The following NLGN4X variants were observed in gnomAD, a reference collection of about 807,000 sequenced individuals.
The protein encoded by NLGN4X is neuroligin-4, X-linked.
In NLGN4X, 3 loss-of-function variants were observed where a neutral mutation model predicts 40.3. The observed-to-expected ratio is 0.07, with a 90% confidence interval of 0.03 to 0.19. The LOEUF is 0.19. Ranked by LOEUF, NLGN4X falls within the 10% of genes least tolerant of loss-of-function variation. The pLI, the probability that NLGN4X is intolerant of heterozygous loss-of-function variation, is 1.00. For missense variants in NLGN4X, 382 were observed against 708.3 expected, an observed-to-expected ratio of 0.54 and a Z score of 5.23; for synonymous variants, 270 against 306.8, an observed-to-expected ratio of 0.88 and a Z score of 1.25.
chrX:5,953,030 G>A (rs1343365401), intron 3 of NLGN4X, among the ~76,000 whole-genome samples: 3 of 110,463 alleles, frequency 2.7e-5, no homozygotes, highest in African/African-American at 9.9e-5. Context: ...GCAGTATCTC[G>A]TTCACTATCC....
chrX:6,042,789 A>C (rs1336293889), intron 2 of NLGN4X, among the ~76,000 whole-genome samples: 2 of 94,387 alleles, frequency 2.1e-5, no homozygotes, highest in African/African-American at 7.7e-5. Context: ...CTAGAAACCT[A>C]ATAATGCCTG....
At chrX:6,077,290 G>GTC (rs1555967222) in intron 2 of NLGN4X, among the ~76,000 whole-genome samples, 23 of 104,551 alleles carry the variant, frequency 2.2e-4, no homozygotes, top group Admixed American at 4.2e-4. Context: ...GTGTGTGTGT[G>GTC]TGTGTCTGTG....
intron 2 of NLGN4X, among the ~76,000 whole-genome samples, chrX:6,099,535 G>T (rs1249812388): frequency 8.9e-6 from 1 of 111,956 alleles, no homozygotes; most frequent in Non-Finnish European, 1.9e-5. Flanking sequence ...TCTATGACTA[G>T]GCATCAACCT....
intron 2 of NLGN4X, among the ~76,000 whole-genome samples, chrX:6,124,105 C>G (rs1023636038): frequency 9.1e-6 from 1 of 109,616 alleles, no homozygotes; most frequent in Non-Finnish European, 1.9e-5. Context: ...AATTTAGTAT[C>G]AAACAAAAAT....
intron 3 of NLGN4X, among the ~76,000 whole-genome samples, chrX:5,998,680 G>A (rs1257074130): frequency 8.9e-6 from 1 of 111,989 alleles, no homozygotes; most frequent in East Asian, 2.8e-4. Flanking sequence ...CAGCTAAAAT[G>A]GCACAGCCCC....
At chrX:6,055,507 G>T (rs1009959502) in intron 2 of NLGN4X, among the ~76,000 whole-genome samples, 1 of 110,767 alleles carries the variant, frequency 9.0e-6, no homozygotes, top group African/African-American at 3.3e-5. Context: ...GTTGTGGGGG[G>T]GCTTACAAAA....
chrX:6,201,885 C>T (rs1052857816), intron 1 of NLGN4X, among the ~76,000 whole-genome samples: 1 of 110,713 alleles, frequency 9.0e-6, no homozygotes, highest in Non-Finnish European at 1.9e-5. Context: ...GTGGTCTCTC[C>T]GATGGAAATA....
At chrX:6,093,941 T>C (rs144004102) in intron 2 of NLGN4X, among the ~76,000 whole-genome samples, 2 of 111,948 alleles carry the variant, frequency 1.8e-5, no homozygotes, top group East Asian at 5.6e-4. Flanking sequence ...CATTCATTAA[T>C]GGAAGATACA....
chrX:5,952,546 C>T (rs1026272745), intron 3 of NLGN4X, among the ~76,000 whole-genome samples: 2 of 109,716 alleles, frequency 1.8e-5, no homozygotes, highest in African/African-American at 6.6e-5. Flanking sequence ...CACCAGATGA[C>T]GAATTAGACT....
intron 1 of NLGN4X, among the ~76,000 whole-genome samples, chrX:6,222,277 T>C (rs1439035485): frequency 9.0e-6 from 1 of 111,078 alleles, no homozygotes; most frequent in Non-Finnish European, 1.9e-5. Context: ...AAATCACATG[T>C]CTGGGGTGAT....
intron 3 of NLGN4X, among the ~76,000 whole-genome samples, chrX:5,937,084 A>AT (rs1312140998): frequency 8.4e-5 from 9 of 107,702 alleles, no homozygotes; most frequent in Admixed American, 2.0e-4. Flanking sequence ...AGTTGAATGA[A>AT]TTTTTTTTTT....
chrX:6,133,684 C>A (rs1349233259), intron 2 of NLGN4X, among the ~76,000 whole-genome samples: 1 of 111,510 alleles, frequency 9.0e-6, no homozygotes, highest in Non-Finnish European at 1.9e-5. Context: ...TCACTGGAAG[C>A]CTGGATGGAG....
chrX:5,891,515 C>G lies in NLGN4X; in HGVS notation c.*1302G>C. 1.0e-5 allele frequency: 3 copies of G among 292,055 alleles called. No individual in the cohort carries two copies. Among genetic ancestry groups the G allele is most frequent in the Non-Finnish European group, 1.9e-5 (3 of 154,696 alleles). The allele number at this position is 292,055 out of a possible 1,213,427, so 24.1% of individuals were successfully genotyped here. A position where few individuals can be genotyped will look rare whatever the true frequency, so the allele number is the denominator to read the frequency against. ...TCTGATTAGCTAAGCTGAGCAGGTA[C>G]TTCATCGGCCAAACCCTCCCGCAGC... On this transcript the variant is annotated 3_prime_UTR_variant, in exon 6 of 6. Coordinates refer to ENST00000381095, the MANE Select transcript of NLGN4X (RefSeq NM_181332.3).
intron 3 of NLGN4X, among the ~76,000 whole-genome samples, chrX:6,018,744 A>G (rs867723865): frequency 2.7e-5 from 3 of 111,912 alleles, no homozygotes; most frequent in Non-Finnish European, 5.6e-5. Flanking sequence ...CCTTCTCTCT[A>G]TAACATCTGA....
intron 3 of NLGN4X, among the ~76,000 whole-genome samples, chrX:5,980,531 T>C (rs778660362): frequency 2.8e-4 from 31 of 109,567 alleles, no homozygotes; most frequent in African/African-American, 7.9e-4. Flanking sequence ...ATCTAGGTAT[T>C]TGACTCACTT....
chrX:5,998,552 A>G (rs149490122), intron 3 of NLGN4X, among the ~76,000 whole-genome samples: 13 of 112,263 alleles, frequency 1.2e-4, no homozygotes, highest in African/African-American at 4.2e-4. Flanking sequence ...CACTATCACA[A>G]GATATGAAAA....
chrX:5,975,855 G>C (rs953044714), intron 3 of NLGN4X, among the ~76,000 whole-genome samples: 2 of 110,975 alleles, frequency 1.8e-5, no homozygotes, highest in Admixed American at 9.6e-5. Flanking sequence ...CTATACCTTA[G>C]CTGAGTCTTC....
At chrX:6,222,003 G>A (rs1182884932) in intron 1 of NLGN4X, among the ~76,000 whole-genome samples, 2 of 111,785 alleles carry the variant, frequency 1.8e-5, no homozygotes, top group African/African-American at 6.5e-5. Flanking sequence ...TCTTTTATCA[G>A]TGCCAATAAC....
intron 3 of NLGN4X, among the ~76,000 whole-genome samples, chrX:5,968,293 T>C (rs1174038445): frequency 1.9e-5 from 2 of 105,244 alleles, no homozygotes; most frequent in African/African-American, 3.5e-5. Context: ...GAGTGGAAAA[T>C]GGAACCTTCT....
Sources: gnomAD v4.1 joint callset for allele counts (sites outside exome capture counted in the v4.1 genomes callset) on GRCh38, gnomAD v4.1.1 for gene constraint, MANE v1.5 for transcripts, NCBI Gene and HGNC (gene_info 2026-07-23, HGNC 2026-07-21) for gene names.